TMTC2: variants seen among roughly 807,000 people sequenced by gnomAD.
TMTC2 encodes the protein transmembrane O-mannosyltransferase targeting cadherins 2, also known as protein O-mannosyl-transferase TMTC2.
In TMTC2, 43 loss-of-function variants were observed where a neutral mutation model predicts 82.4. The observed-to-expected ratio is 0.52, with a 90% CI of 0.41 to 0.67. The LOEUF is 0.67. Among genes scored for constraint, TMTC2 ranks in the 30% least tolerant of loss-of-function variants. TMTC2 has a pLI of 0.00. For missense variants in TMTC2, 919 were observed against 1,012.4 expected (o/e 0.91, Z 1.25); for synonymous variants, 408 against 381.9 (o/e 1.07, Z -0.80).
intron 1 of TMTC2, among the ~76,000 whole-genome samples, chr12:82,705,334 T>TA (rs1464555020): frequency 6.6e-6 from 1 of 152,148 alleles, no homozygotes; most frequent in East Asian, 1.9e-4. Context: ...CCTATGGAGA[T>TA]AAAAAAAATT....
At chr12:82,910,877 C>CT (rs149998904) in intron 3 of TMTC2, among the ~76,000 whole-genome samples, 253 of 141,588 alleles carry the variant, frequency 1.8e-3, no homozygotes, top group Middle Eastern at 7.4e-3. Flanking sequence ...TTGTTTTTTT[C>CT]TTTTTTTTTT....
intron 3 of TMTC2, among the ~76,000 whole-genome samples, chr12:82,927,821 G>C (rs1875811992): frequency 6.6e-6 from 1 of 152,092 alleles, no homozygotes; most frequent in Non-Finnish European, 1.5e-5. Context: ...GCATTTTTTA[G>C]CAACAAAGTA....
intron 1 of TMTC2, among the ~76,000 whole-genome samples, chr12:82,701,304 C>G (rs916434252): frequency 6.6e-6 from 1 of 152,118 alleles, no homozygotes; most frequent in East Asian, 1.9e-4. Flanking sequence ...CTCAGGAATA[C>G]TTTTATGTAC....
At chr12:82,727,925 C>A (rs1338260832) in intron 1 of TMTC2, among the ~76,000 whole-genome samples, 2 of 151,588 alleles carry the variant, frequency 1.3e-5, no homozygotes, top group African/African-American at 2.4e-5. Flanking sequence ...TAAGCACTTT[C>A]ATGTCTGTTA....
intron 1 of TMTC2, among the ~76,000 whole-genome samples, chr12:82,720,252 C>T (rs1039870481): frequency 2.0e-5 from 3 of 152,138 alleles, no homozygotes; most frequent in Non-Finnish European, 4.4e-5. Flanking sequence ...CAGCCCTCTG[C>T]AACCACGAAT....
intron 1 of TMTC2, among the ~76,000 whole-genome samples, chr12:82,690,722 C>T (rs1872535959): frequency 6.6e-6 from 1 of 152,066 alleles, no homozygotes; most frequent in South Asian, 2.1e-4. Context: ...TGCTTTCAAT[C>T]TAGTATTGAA....
chr12:82,947,497 C>T (rs527400918), intron 4 of TMTC2, among the ~76,000 whole-genome samples: 2 of 150,626 alleles, frequency 1.3e-5, no homozygotes, highest in East Asian at 1.9e-4. Context: ...CGCCCGCCAC[C>T]ATGCCCGGCT....
rs535433038 is a variant in TMTC2, at chr12:83,117,037, C to T, written c.2332-15173C>T. On this transcript the variant is annotated intron_variant, in intron 11 of 11. Transcript: ENST00000321196. ...TCTAGAAGGGTTTTCCTGGTGTTCT[C>T]GTCTAGAATTTTTATACTTTCAGGT... Among the ~76,000 whole-genome samples the T allele has an allele frequency of 7.2e-5, 11 of 152,258 alleles. No homozygotes were observed. In the South Asian group the frequency reaches 2.3e-3, roughly 32 times the overall value.
At chr12:82,973,782 T>C (rs1878551932) in intron 7 of TMTC2, among the ~76,000 whole-genome samples, 1 of 152,198 alleles carries the variant, frequency 6.6e-6, no homozygotes, top group Non-Finnish European at 1.5e-5. Context: ...CTGAACACTT[T>C]AATGCCTATA....
intron 11 of TMTC2, among the ~76,000 whole-genome samples, chr12:83,070,540 T>G (rs1341142174): frequency 6.6e-6 from 1 of 152,218 alleles, no homozygotes; most frequent in Non-Finnish European, 1.5e-5. Context: ...TACATTAATT[T>G]TATATCCAGA....
Position 83,132,451 on chromosome 12 carries a change from C to T in TMTC2, c.*62C>T. On this transcript the variant is annotated 3_prime_UTR_variant, in exon 12 of 12. Transcript: ENST00000321196. ...AAGCTGGCTTCCTTAGCAGACAGAA[C>T]TTCCCAGCAGTGCTATGACAAGAGC... 1 of 1,581,318 alleles carries T rather than the reference C, an allele frequency of 6.3e-7. No homozygotes were observed. Among genetic ancestry groups the T allele is most frequent in the Non-Finnish European group, 8.6e-7 (1 of 1,159,104 alleles).
intron 2 of TMTC2, among the ~76,000 whole-genome samples, chr12:82,864,380 A>G (rs185025222): frequency 1.1e-4 from 17 of 151,776 alleles, no homozygotes; most frequent in Admixed American, 1.3e-4. Flanking sequence ...GGAGGGGGGA[A>G]CTATCCCATC....
chr12:82,827,494 C>G (rs943135442), intron 1 of TMTC2, among the ~76,000 whole-genome samples: 1 of 152,154 alleles, frequency 6.6e-6, no homozygotes, highest in Non-Finnish European at 1.5e-5. Context: ...GGGAACATCT[C>G]TACAAGTTCT....
At chr12:83,071,705 T>G (rs1489079866) in intron 11 of TMTC2, among the ~76,000 whole-genome samples, 1 of 152,154 alleles carries the variant, frequency 6.6e-6, no homozygotes, top group Non-Finnish European at 1.5e-5. Context: ...CTGTTTAGGG[T>G]ATCTAATTCT....
In TMTC2 at chr12:82,997,318, G is replaced by GTGTC. The variant is rs1195937478; in HGVS notation, c.2070+11275_2070+11276insCTGT. On this transcript the variant is annotated intron_variant, in intron 8 of 11. Coordinates refer to ENST00000321196, the MANE Select transcript of TMTC2 (RefSeq NM_152588.3). ...ACATTTGCCTGGACTGTGTGTGTGT[G>GTGTC]TGTGTCTGTGTGTGTGTGTGTGTGT... Among the ~76,000 whole-genome samples, 5 of 67,068 alleles carry GTGTC rather than the reference G, an allele frequency of 7.5e-5. 1 individual carries two copies. Among genetic ancestry groups the GTGTC allele is most frequent in the African/African-American group, 1.6e-4 (3 of 19,228 alleles). 44.0% of individuals were successfully genotyped at this position (67,068 alleles called of 152,430 possible).
chr12:82,907,813 G>T (rs1592618310), intron 3 of TMTC2, among the ~76,000 whole-genome samples: 1 of 152,152 alleles, frequency 6.6e-6, no homozygotes, highest in South Asian at 2.1e-4. Context: ...ATATTTTTGT[G>T]TTTCTTAAAA....
chr12:82,962,079 C>A (rs925149414), intron 4 of TMTC2, among the ~76,000 whole-genome samples: 5 of 151,972 alleles, frequency 3.3e-5, no homozygotes, highest in African/African-American at 1.2e-4. Flanking sequence ...GGCCCCTCCC[C>A]ACAAGAATAA....
chr12:82,873,213 TTG>T (rs35177760), intron 2 of TMTC2, among the ~76,000 whole-genome samples: 58,309 of 143,292 alleles, frequency 0.41, 13,947 homozygotes, highest in East Asian at 0.68. Context: ...TTCAAAGATG[TTG>T]TGTGTGTGTG....
intron 1 of TMTC2, among the ~76,000 whole-genome samples, chr12:82,773,618 G>C (rs950851119): frequency 3.3e-5 from 5 of 151,750 alleles, no homozygotes; most frequent in African/African-American, 1.2e-4. Context: ...GTGCCACCAG[G>C]CCCAGCTAGT....
Sources: allele counts gnomAD v4.1 joint callset (sites outside exome capture counted in the v4.1 genomes callset), GRCh38; gene constraint gnomAD v4.1.1; transcripts MANE v1.5; gene names NCBI Gene and HGNC (gene_info 2026-07-23, HGNC 2026-07-21).